The following MSRB3 variants were observed in gnomAD, a reference collection of about 807,000 sequenced individuals.
MSRB3 encodes the protein methionine-R-sulfoxide reductase B3.
MSRB3 carries 13 observed loss-of-function variants against 21.0 expected under a neutral mutation model. The ratio of observed to expected loss-of-function variants is 0.62; its 90% CI spans 0.40 to 0.98. MSRB3 has a LOEUF of 0.98. MSRB3 is among the 50% of genes least tolerant of loss of function. MSRB3 has a pLI of 0.00. For missense variants in MSRB3, 199 were observed against 230.3 expected (o/e 0.86, Z 0.88); for synonymous variants, 87 against 88.6 (o/e 0.98, Z 0.10).
At chr12:65,440,965 C>A (rs1882349622) in intron 5 of MSRB3, among the ~76,000 whole-genome samples, 1 of 151,844 alleles carries the variant, frequency 6.6e-6, no homozygotes, top group Admixed American at 6.6e-5. Flanking sequence ...AATATTACTG[C>A]CCAACTGACA....
intron 6 of MSRB3, among the ~76,000 whole-genome samples, chr12:65,461,279 T>G (rs1339735718): frequency 3.3e-5 from 5 of 152,214 alleles, no homozygotes; most frequent in African/African-American, 4.8e-5. Flanking sequence ...AGCATATGTA[T>G]TTTTACTGGT....
intron 5 of MSRB3, among the ~76,000 whole-genome samples, chr12:65,376,096 CA>C (rs1253974612): frequency 6.7e-6 from 1 of 149,958 alleles, no homozygotes; most frequent in African/African-American, 2.4e-5. Flanking sequence ...CTGACAAGGA[CA>C]GTGAAAGGAA....
At position 65,329,197 on chromosome 12, in the gene MSRB3, T is replaced by C. The variant is rs192543728; in HGVS notation, c.263+594T>C. ...ACACTGGACTTTCTGACTAAAATAG[T>C]TCATTCAGATAGTGTATTCTGGAGA... On this transcript the variant is annotated intron_variant, in intron 4 of 6. Transcript: ENST00000308259. Among the ~76,000 whole-genome samples, 28 of 152,326 alleles carry C rather than the reference T, an allele frequency of 1.8e-4. No homozygotes were observed. In the South Asian group the frequency reaches 3.3e-3, roughly 18 times the overall value.
intron 5 of MSRB3, among the ~76,000 whole-genome samples, chr12:65,423,185 C>T (rs569236367): frequency 2.0e-5 from 3 of 152,212 alleles, no homozygotes; most frequent in African/African-American, 7.2e-5. Context: ...TTGTCTCAAA[C>T]TCCTGACCTC....
At chr12:65,286,128 T>G (rs1169234472) in intron 1 of MSRB3, 2 of 152,210 alleles carry the variant, frequency 1.3e-5, no homozygotes, top group East Asian at 3.8e-4. Flanking sequence ...TCTCATATAT[T>G]TGGAAAGTAT....
At chr12:65,422,419 TATATA>T (rs1565885117) in intron 5 of MSRB3, among the ~76,000 whole-genome samples, 26 of 46,200 alleles carry the variant, frequency 5.6e-4, no homozygotes, top group African/African-American at 1.6e-3. Context: ...TATATATATA[TATATA>T]TATATATTTA....
At chr12:65,329,495 C>A (rs1460065620) in intron 4 of MSRB3, among the ~76,000 whole-genome samples, 1 of 151,822 alleles carries the variant, frequency 6.6e-6, no homozygotes, top group East Asian at 1.9e-4. Flanking sequence ...ACTAAAAATA[C>A]AAAAATTAGA....
chr12:65,422,935 G>A (rs1881395809), intron 5 of MSRB3, among the ~76,000 whole-genome samples: 1 of 144,762 alleles, frequency 6.9e-6, no homozygotes, highest in Admixed American at 6.9e-5. Flanking sequence ...GTTTTAACAG[G>A]TTTTTGGTGG....
chr12:65,442,980 A>T (rs1350145572), intron 5 of MSRB3, among the ~76,000 whole-genome samples: 1 of 152,134 alleles, frequency 6.6e-6, no homozygotes, highest in African/African-American at 2.4e-5. Context: ...TGAGTTCAGT[A>T]ATTTTATTGA....
chr12:65,362,193 G>A (rs1006911490), intron 4 of MSRB3, among the ~76,000 whole-genome samples: 1 of 152,104 alleles, frequency 6.6e-6, no homozygotes, highest in African/African-American at 2.4e-5. Context: ...GATTCTCTTG[G>A]TGTCCCTCTC....
At chr12:65,305,156 C>T (rs1455356501) in intron 1 of MSRB3, 1 of 151,826 alleles carries the variant, frequency 6.6e-6, no homozygotes, top group East Asian at 1.9e-4. Flanking sequence ...TAATCTCTGC[C>T]TCCCAGGTTC....
intron 5 of MSRB3, among the ~76,000 whole-genome samples, chr12:65,410,402 T>C (rs1195887666): frequency 6.6e-6 from 1 of 152,162 alleles, no homozygotes; most frequent in African/African-American, 2.4e-5. Context: ...ATGCCTATAA[T>C]TCCAGCACTT....
chr12:65,445,294 G>A (rs1366107564), intron 5 of MSRB3, among the ~76,000 whole-genome samples: 2 of 151,674 alleles, frequency 1.3e-5, no homozygotes, highest in Non-Finnish European at 2.9e-5. Context: ...TGATATATAC[G>A]TTTCCATGTT....
intron 5 of MSRB3, among the ~76,000 whole-genome samples, chr12:65,443,533 T>A (rs1174108931): frequency 5.9e-5 from 9 of 152,166 alleles, no homozygotes; most frequent in Non-Finnish European, 1.0e-4. Context: ...TAAGTGATTA[T>A]CTTTTTGTGT....
chr12:65,285,800 A>G (rs1472339398), intron 1 of MSRB3: 1 of 152,324 alleles, frequency 6.6e-6, no homozygotes, highest in Non-Finnish European at 1.5e-5. Context: ...AGACTGGGCA[A>G]TAGAGTGAGA....
At chr12:65,450,321 C>A (rs570706880) in intron 5 of MSRB3, among the ~76,000 whole-genome samples, 70 of 152,256 alleles carry the variant, frequency 4.6e-4, no homozygotes, top group African/African-American at 1.6e-3. Context: ...AGCCATATTT[C>A]AACTTGCCTG....
chr12:65,329,667 A>G (rs1013972369), intron 4 of MSRB3, among the ~76,000 whole-genome samples: 6 of 152,040 alleles, frequency 3.9e-5, no homozygotes, highest in African/African-American at 1.4e-4. Flanking sequence ...AAAAAAGTAA[A>G]TGTCATTTAT....
chr12:65,455,064 T>C (rs144836376), intron 6 of MSRB3, among the ~76,000 whole-genome samples: 1 of 152,326 alleles, frequency 6.6e-6, no homozygotes, highest in East Asian at 1.9e-4. Flanking sequence ...ATCAGGCAGC[T>C]GTAATAGCAA....
At chr12:65,395,852 C>A (rs1187423900) in intron 5 of MSRB3, among the ~76,000 whole-genome samples, 1 of 152,144 alleles carries the variant, frequency 6.6e-6, no homozygotes, top group East Asian at 1.9e-4. Context: ...ATAGTGATGA[C>A]CTCTTTTTCA....
Sources: gnomAD v4.1 joint callset for allele counts (sites outside exome capture counted in the v4.1 genomes callset) on GRCh38, gnomAD v4.1.1 for gene constraint, MANE v1.5 for transcripts, NCBI Gene and HGNC (gene_info 2026-07-23, HGNC 2026-07-21) for gene names.